The following ADAM10 variants were observed in gnomAD, a reference collection of about 807,000 sequenced individuals.
ADAM10 encodes the protein disintegrin and metalloproteinase domain-containing protein 10.
In ADAM10, 17 loss-of-function variants were observed where a neutral mutation model predicts 90.1. That is an observed-to-expected ratio of 0.19 (90% CI 0.13 to 0.28). The LOEUF (loss-of-function observed/expected upper bound fraction) is 0.28, where lower values mean the gene tolerates loss of function less well. ADAM10 is among the 10% of genes least tolerant of loss of function. ADAM10 has a pLI of 1.00. For synonymous variants in ADAM10, 310 were observed against 298.6 expected, an observed-to-expected ratio of 1.04 and a Z score of -0.40; for missense variants, 610 against 914.3, an observed-to-expected ratio of 0.67 and a Z score of 4.29.
chr15:58,730,861 C>T (rs1461669616), intron 1 of ADAM10, among the ~76,000 whole-genome samples: 2 of 152,156 alleles, frequency 1.3e-5, no homozygotes, highest in Admixed American at 1.3e-4. Flanking sequence ...TCTTTCCCCT[C>T]GGGACATCAG....
At chr15:58,709,938 C>A (rs943955480) in intron 2 of ADAM10, among the ~76,000 whole-genome samples, 45 of 152,180 alleles carry the variant, frequency 3.0e-4, no homozygotes, top group Admixed American at 2.9e-3. Context: ...ACAACAACAA[C>A]AAAAACCCTC....
chr15:58,610,885 G>C, intron 13 of ADAM10, 114 bp downstream of exon 13: 1 of 810,444 alleles, frequency 1.2e-6, no homozygotes, highest in Non-Finnish European at 2.2e-6. Context: ...CAAGAGGACA[G>C]ATTTAGCTGG....
At chr15:58,690,639 T>A (rs186323386) in intron 2 of ADAM10, among the ~76,000 whole-genome samples, 57 of 152,086 alleles carry the variant, frequency 3.7e-4, no homozygotes, top group Admixed American at 8.5e-4. Flanking sequence ...ATACTAGATA[T>A]CAGCAGAGAG....
intron 9 of ADAM10, among the ~76,000 whole-genome samples, chr15:58,631,229 A>G (rs1281465111): frequency 2.6e-5 from 4 of 152,150 alleles, no homozygotes; most frequent in Non-Finnish European, 5.9e-5. Context: ...TCTTTTCTTT[A>G]TAAATTACCC....
At chr15:58,641,947 C>T (rs1896427773) in intron 7 of ADAM10, among the ~76,000 whole-genome samples, 1 of 152,138 alleles carries the variant, frequency 6.6e-6, no homozygotes, top group South Asian at 2.1e-4. Flanking sequence ...GGCAAAAACA[C>T]CATTGAGGGC....
chr15:58,617,263 A>T (rs1277302959), intron 11 of ADAM10, among the ~76,000 whole-genome samples: 1 of 152,148 alleles, frequency 6.6e-6, no homozygotes, highest in African/African-American at 2.4e-5. Context: ...AACTGATACC[A>T]CAAAAATACA....
intron 12 of ADAM10, 83 bp from the exon 13 acceptor site, chr15:58,611,190 C>CTCA: frequency 2.1e-6 from 2 of 938,516 alleles, no homozygotes; most frequent in Non-Finnish European, 3.5e-6. Context: ...CAAGTATGAG[C>CTCA]TTCCAATGTC....
chr15:58,746,123 G>A lies in ADAM10; in HGVS notation c.55+3357C>T, dbSNP rs542303977. ...TTTAAGGTCAAACCAGCTTGAGTTC[G>A]AATGTCCAATTCACCACTAAGTGGT... On this transcript the variant is annotated intron_variant, in intron 1 of 15. Coordinates refer to ENST00000260408, the MANE Select transcript of ADAM10 (RefSeq NM_001110.4). Among the ~76,000 whole-genome samples the A allele has an allele frequency of 3.9e-5, 6 of 152,306 alleles. No individual in the cohort carries two copies. The South Asian group carries it at 1.0e-3, about 26-fold the overall frequency.
In ADAM10 at chr15:58,618,948, T is replaced by C. The variant is rs145425412; in HGVS notation, c.1511+2523A>G. On this transcript the variant is annotated intron_variant, in intron 11 of 15. Transcript: ENST00000260408. ...AGTATAGCCACTGTGTAAACTGGTA[T>C]AGAAGTTCCTCTAAAAACTAAAAAT... Among the ~76,000 whole-genome samples the C allele has an allele frequency of 2.0e-5, 3 of 152,324 alleles. No individual in the cohort carries two copies. In the East Asian group the frequency reaches 5.8e-4, roughly 29 times the overall value.
At chr15:58,617,500 C>A (rs1192587662) in intron 11 of ADAM10, among the ~76,000 whole-genome samples, 1 of 152,040 alleles carries the variant, frequency 6.6e-6, no homozygotes, top group Non-Finnish European at 1.5e-5. Flanking sequence ...AGAACTAGAA[C>A]AAGACAAGAA....
At chr15:58,647,246 G>GCATT (rs1896569038) in intron 5 of ADAM10, among the ~76,000 whole-genome samples, 5 of 36,826 alleles carry the variant, frequency 1.4e-4, no homozygotes, top group African/African-American at 3.7e-4. Flanking sequence ...TAGACACTAA[G>GCATT]TATTTTTTTT....
chr15:58,722,725 A>AC (rs1898895662), intron 1 of ADAM10, among the ~76,000 whole-genome samples: 1 of 125,492 alleles, frequency 8.0e-6, no homozygotes, highest in African/African-American at 3.0e-5. Context: ...AAATTTGAGA[A>AC]CTTTTTTTTT....
intron 4 of ADAM10, among the ~76,000 whole-genome samples, chr15:58,673,739 C>T (rs1376427417): frequency 2.0e-5 from 3 of 147,428 alleles, no homozygotes; most frequent in African/African-American, 7.4e-5. Context: ...CTTTCTCTCT[C>T]TTTTTTTTTT....
At chr15:58,718,216 T>C (rs1408523125) in intron 1 of ADAM10, among the ~76,000 whole-genome samples, 2 of 152,132 alleles carry the variant, frequency 1.3e-5, no homozygotes, top group African/African-American at 4.8e-5. Flanking sequence ...CAAATGCTTA[T>C]TTCTGTACCT....
At chr15:58,707,469 C>A (rs528301869) in intron 2 of ADAM10, 116 of 151,056 alleles carry the variant, frequency 7.7e-4, no homozygotes, top group African/African-American at 2.7e-3. Flanking sequence ...TGAATTACCT[C>A]AAAATAAGCA....
chr15:58,710,657 T>C (rs1205392279), intron 2 of ADAM10, among the ~76,000 whole-genome samples: 1 of 152,176 alleles, frequency 6.6e-6, no homozygotes, highest in Non-Finnish European at 1.5e-5. Flanking sequence ...TAAATAAATA[T>C]TATTTTCCTT....
At chr15:58,691,496 T>C (rs771626844) in intron 2 of ADAM10, 4 of 598,480 alleles carry the variant, frequency 6.7e-6, no homozygotes, top group South Asian at 2.8e-5. Context: ...CTGACAGAGA[T>C]GTCATCTCAT....
intron 2 of ADAM10, among the ~76,000 whole-genome samples, chr15:58,705,486 G>A (rs1213989725): frequency 1.3e-5 from 2 of 152,156 alleles, no homozygotes; most frequent in African/African-American, 4.8e-5. Context: ...GCACCAAACA[G>A]ATACTGAGTC....
chr15:58,676,847 T>A (rs1338350580), intron 4 of ADAM10, among the ~76,000 whole-genome samples: 1 of 152,140 alleles, frequency 6.6e-6, no homozygotes, highest in Non-Finnish European at 1.5e-5. Flanking sequence ...TAATAATTTC[T>A]TTAAAAAAAG....
Sources: allele counts gnomAD v4.1 joint callset (sites outside exome capture counted in the v4.1 genomes callset), GRCh38; gene constraint gnomAD v4.1.1; transcripts MANE v1.5; gene names NCBI Gene and HGNC (gene_info 2026-07-23, HGNC 2026-07-21).